The following DPP10 variants were observed in gnomAD, a reference collection of about 807,000 sequenced individuals.
DPP10 encodes the protein inactive dipeptidyl peptidase 10.
Under a neutral mutation model 120.9 loss-of-function variants are expected in DPP10, and 33 were observed. The observed-to-expected ratio is 0.27, with a 90% CI of 0.21 to 0.37. The LOEUF (loss-of-function observed/expected upper bound fraction) is 0.37, where lower values mean the gene tolerates loss of function less well. Ranked by LOEUF, DPP10 falls within the 10% of genes least tolerant of loss-of-function variation. The probability of loss-of-function intolerance (pLI) is 1.00; values close to 1 mark genes in which losing one functional copy is unlikely to be tolerated. For missense variants in DPP10, 816 were observed against 942.8 expected (o/e 0.87, Z 1.76); for synonymous variants, 337 against 326.1 (o/e 1.03, Z -0.36).
intron 1 of DPP10, among the ~76,000 whole-genome samples, chr2:115,169,450 T>A (rs1017190537): frequency 9.2e-5 from 14 of 152,136 alleles, no homozygotes; most frequent in African/African-American, 3.4e-4. Flanking sequence ...CACACACATA[T>A]ATATATATTT....
intron 5 of DPP10, among the ~76,000 whole-genome samples, chr2:115,664,955 C>T (rs62157879): frequency 0.077 from 11,645 of 151,992 alleles, 627 homozygotes; most frequent in Non-Finnish European, 0.11. Flanking sequence ...CTCAAGTGCT[C>T]TAGTCGCCTA....
chr2:115,332,900 G>C (rs550258848), intron 2 of DPP10, among the ~76,000 whole-genome samples: 1 of 152,100 alleles, frequency 6.6e-6, no homozygotes, highest in Non-Finnish European at 1.5e-5. Flanking sequence ...TGTATATTCT[G>C]TTGATTTGGG....
chr2:115,557,210 G>A (rs2080269885), intron 5 of DPP10, among the ~76,000 whole-genome samples: 1 of 151,994 alleles, frequency 6.6e-6, no homozygotes, highest in African/African-American at 2.4e-5. Flanking sequence ...AATAAAATGC[G>A]GTCAGAAAGA....
At position 115,782,411 on chromosome 2, in the gene DPP10, A is replaced by G. The variant is rs770865507; in HGVS notation, c.1531+12A>G. 7 of 1,609,698 alleles carry G rather than the reference A, an allele frequency of 4.3e-6. No homozygotes were observed. The highest frequency in any genetic ancestry group is 4.5e-5 in the East Asian group (2 of 44,856). ...GGACAACCCAGCAAGTGAGTACACA[A>G]GAAGACAATTAAGAATAGTTATGGT... On this transcript the variant is annotated intron_variant, in intron 17 of 25. Coordinates refer to ENST00000410059, the MANE Select transcript of DPP10 (RefSeq NM_020868.6).
At chr2:115,187,152 T>C (rs2054518967) in intron 1 of DPP10, among the ~76,000 whole-genome samples, 1 of 143,636 alleles carries the variant, frequency 7.0e-6, no homozygotes, top group South Asian at 2.4e-4. Flanking sequence ...TTCTCCTGCC[T>C]CAGCCTCCTG....
chr2:115,822,240 G>T (rs1295245419), intron 21 of DPP10, among the ~76,000 whole-genome samples: 1 of 151,916 alleles, frequency 6.6e-6, no homozygotes, highest in East Asian at 1.9e-4. Flanking sequence ...CTAAGTCACA[G>T]AAAGCATGTT....
intron 1 of DPP10, among the ~76,000 whole-genome samples, chr2:114,887,185 T>C (rs1692145230): frequency 6.6e-6 from 1 of 152,210 alleles, no homozygotes; most frequent in Non-Finnish European, 1.5e-5. Context: ...TAATGACTGA[T>C]GCTTCCAAAC....
Position 114,442,902 on chromosome 2 carries a change from G to A in DPP10, c.60+64G>A, listed in dbSNP as rs1301113088. On this transcript the variant is annotated intron_variant, in intron 1 of 25. Coordinates refer to ENST00000410059, the MANE Select transcript of DPP10 (RefSeq NM_020868.6). ...CTTCATTCATCTACCTAACACATGG[G>A]CATTGATATATCGGGGTACTGACAG... is the stretch of plus-strand genomic sequence containing the variant. The A allele has an allele frequency of 9.4e-6, 15 of 1,590,040 alleles. No homozygotes were observed. In the South Asian group the frequency reaches 1.5e-4, roughly 15 times the overall value.
chr2:115,105,663 A>C (rs796230643), intron 1 of DPP10, among the ~76,000 whole-genome samples: 1 of 152,224 alleles, frequency 6.6e-6, no homozygotes, highest in Non-Finnish European at 1.5e-5. Flanking sequence ...AACTATATCA[A>C]TATGATTCTG....
chr2:115,275,944 G>A (rs1329866472), intron 1 of DPP10, among the ~76,000 whole-genome samples: 2 of 151,738 alleles, frequency 1.3e-5, no homozygotes, highest in African/African-American at 2.4e-5. Flanking sequence ...CTCGTGATCC[G>A]CCCGCCTCGG....
chr2:114,680,353 A>G (rs1168999899), intron 1 of DPP10, among the ~76,000 whole-genome samples: 1 of 151,972 alleles, frequency 6.6e-6, no homozygotes, highest in South Asian at 2.1e-4. Context: ...TCAAAACAAC[A>G]TTATCTGATC....
intron 1 of DPP10, among the ~76,000 whole-genome samples, chr2:114,977,934 C>A (rs1699855222): frequency 6.7e-6 from 1 of 149,638 alleles, no homozygotes; most frequent in African/African-American, 2.5e-5. Context: ...TGGTTTTGTG[C>A]TTTTTTGGTT....
intron 5 of DPP10, among the ~76,000 whole-genome samples, chr2:115,570,305 A>G (rs541853521): frequency 5.3e-5 from 8 of 152,354 alleles, no homozygotes; most frequent in East Asian, 3.8e-4. Flanking sequence ...TGAACTCAAT[A>G]TAGTCAGGAT....
At chr2:115,392,855 T>C (rs2067414067) in intron 3 of DPP10, among the ~76,000 whole-genome samples, 1 of 152,190 alleles carries the variant, frequency 6.6e-6, no homozygotes, top group African/African-American at 2.4e-5. Context: ...TGAAGATCTT[T>C]GTGTAAAGAT....
intron 1 of DPP10, among the ~76,000 whole-genome samples, chr2:114,619,242 A>AG (rs1409598817): frequency 6.6e-6 from 1 of 152,088 alleles, no homozygotes; most frequent in Non-Finnish European, 1.5e-5. Flanking sequence ...GGAAAAAAAG[A>AG]AGTAAACTTT....
intron 1 of DPP10, among the ~76,000 whole-genome samples, chr2:115,258,529 T>C (rs1163140931): frequency 6.6e-6 from 1 of 151,868 alleles, no homozygotes. Context: ...TATAATTAAA[T>C]TGAAAATCAC....
rs767410022 is a variant in DPP10 at position 115,342,709 on chromosome 2, G to A, written c.176-1108G>A. ...ATCAAATATATATCATCACCTAACA[G>A]CATTTCGTTTTGCAAAGCTCTATAC... On this transcript the variant is annotated intron_variant, in intron 2 of 25. Transcript: ENST00000410059. Among the ~76,000 whole-genome samples, 68 of 152,112 alleles carry A rather than the reference G, an allele frequency of 4.5e-4. 1 individual carries two copies. Among genetic ancestry groups the A allele is most frequent in the Non-Finnish European group, 9.1e-4 (62 of 68,028 alleles).
At chr2:115,366,990 ATCT>A (rs1311871953) in intron 3 of DPP10, among the ~76,000 whole-genome samples, 1 of 152,058 alleles carries the variant, frequency 6.6e-6, no homozygotes, top group Non-Finnish European at 1.5e-5. Context: ...ATCCATCACT[ATCT>A]TCTTAACCCA....
At chr2:115,725,992 G>A (rs530459640) in intron 7 of DPP10, among the ~76,000 whole-genome samples, 7 of 152,102 alleles carry the variant, frequency 4.6e-5, no homozygotes, top group Non-Finnish European at 8.8e-5. Context: ...AATCTGAGAG[G>A]TAATTCTCAA....
Sources: gnomAD v4.1 joint callset for allele counts (sites outside exome capture counted in the v4.1 genomes callset) on GRCh38, gnomAD v4.1.1 for gene constraint, MANE v1.5 for transcripts, NCBI Gene and HGNC (gene_info 2026-07-23, HGNC 2026-07-21) for gene names.